The following CIMIP2C variants were observed in gnomAD, a reference collection of about 807,000 sequenced individuals.
CIMIP2C encodes the protein UPF0573 protein C2orf70.
chr2:26,569,493 G>A, the CIMIP2C span, among the ~76,000 whole-genome samples: 9 of 152,348 alleles, frequency 5.9e-5, no homozygotes, highest in East Asian at 1.7e-3. Context: ...AGGCGTTATG[G>A]AGGAGAGGAT....
the CIMIP2C span, among the ~76,000 whole-genome samples, chr2:26,564,339 C>T: frequency 6.6e-6 from 1 of 152,228 alleles, no homozygotes; most frequent in Non-Finnish European, 1.5e-5. Flanking sequence ...TTCCCCAACT[C>T]TGTTTGGCAG....
the CIMIP2C span, among the ~76,000 whole-genome samples, chr2:26,565,664 C>G: frequency 6.6e-6 from 1 of 152,190 alleles, no homozygotes; most frequent in East Asian, 1.9e-4. Context: ...CTTATCCCCC[C>G]TGCCTCACCT....
chr2:26,576,324 G>A, the CIMIP2C span: 1 of 1,028,018 alleles, frequency 9.7e-7, no homozygotes, highest in South Asian at 1.7e-5. Flanking sequence ...CCAGCAGAGA[G>A]CATGGTGGGC....
the CIMIP2C span, among the ~76,000 whole-genome samples, chr2:26,576,388 C>A: frequency 6.6e-6 from 1 of 152,198 alleles, no homozygotes; most frequent in Non-Finnish European, 1.5e-5. Flanking sequence ...TCTCTCCCCA[C>A]CTCCCGGGGC....
At chr2:26,576,139 C>G in the CIMIP2C span, 1 of 1,614,104 alleles carries the variant, frequency 6.2e-7, no homozygotes, top group Non-Finnish European at 8.5e-7. Flanking sequence ...TCAACCTGGA[C>G]AGCCATCGCT....
chr2:26,572,255 A>AGGTGAAT, the CIMIP2C span: 2 of 1,153,740 alleles, frequency 1.7e-6, no homozygotes, highest in Non-Finnish European at 1.2e-6. Flanking sequence ...TTCTGTAACT[A>AGGTGAAT]GCATTCACCT....
At chr2:26,578,202 T>A in the CIMIP2C span, 1 of 157,492 alleles carries the variant, frequency 6.3e-6, no homozygotes, top group Non-Finnish European at 1.4e-5. Context: ...ACTTGGGTAC[T>A]GTGGTTTCTG....
the CIMIP2C span, among the ~76,000 whole-genome samples, chr2:26,574,411 G>A: frequency 2.0e-5 from 3 of 152,152 alleles, no homozygotes; most frequent in Admixed American, 1.3e-4. Flanking sequence ...TGTGGGTGAG[G>A]TGGATGCCTC....
chr2:26,571,220 A>G, the CIMIP2C span, among the ~76,000 whole-genome samples: 1 of 152,126 alleles, frequency 6.6e-6, no homozygotes, highest in African/African-American at 2.4e-5. Context: ...GGGTCCCTGA[A>G]AAGAGAAGAG....
At chr2:26,564,328 G>C in the CIMIP2C span, among the ~76,000 whole-genome samples, 3 of 152,218 alleles carry the variant, frequency 2.0e-5, no homozygotes, top group East Asian at 5.8e-4. Flanking sequence ...CTGCCCCACA[G>C]TTCCCCAACT....
the CIMIP2C span, chr2:26,577,870 G>C: frequency 1.0e-5 from 5 of 484,050 alleles, no homozygotes; most frequent in Non-Finnish European, 1.8e-5. Flanking sequence ...GATGCACTGG[G>C]AGTTTGGGAG....
the CIMIP2C span, among the ~76,000 whole-genome samples, chr2:26,566,381 G>T: frequency 0.019 from 2,843 of 152,316 alleles, 309 homozygotes; most frequent in Admixed American, 0.17. Flanking sequence ...GTCCCACAAA[G>T]GTGGCTGTGT....
the CIMIP2C span, among the ~76,000 whole-genome samples, chr2:26,566,486 T>G: frequency 1.3e-5 from 2 of 152,230 alleles, no homozygotes; most frequent in African/African-American, 4.8e-5. Flanking sequence ...ATGCTTTGAT[T>G]TGTAACATTC....
the CIMIP2C span, among the ~76,000 whole-genome samples, chr2:26,569,196 G>C: frequency 6.6e-6 from 1 of 152,002 alleles, no homozygotes; most frequent in Non-Finnish European, 1.5e-5. Context: ...ATCACAATGT[G>C]GGAAGTGCGG....
At chr2:26,564,152 T>G in the CIMIP2C span, among the ~76,000 whole-genome samples, 1 of 152,250 alleles carries the variant, frequency 6.6e-6, no homozygotes, top group African/African-American at 2.4e-5. Flanking sequence ...TTTGCAGCCT[T>G]GGATTGTGGT....
the CIMIP2C span, chr2:26,579,294 G>A: frequency 1.9e-5 from 30 of 1,613,870 alleles, no homozygotes; most frequent in Non-Finnish European, 2.5e-5. Flanking sequence ...TCACCCCTAG[G>A]CCTCCTCTGT....
the CIMIP2C span, chr2:26,577,440 G>A: frequency 2.2e-5 from 29 of 1,329,686 alleles, no homozygotes; most frequent in African/African-American, 5.8e-5. Context: ...CAGGTGCAGC[G>A]AGGCATGGAC....
At chr2:26,577,556 G>A in the CIMIP2C span, 4 of 1,614,108 alleles carry the variant, frequency 2.5e-6, no homozygotes, top group Non-Finnish European at 3.4e-6. Context: ...GACAAGACGG[G>A]CACAGTGCCT....
the CIMIP2C span, among the ~76,000 whole-genome samples, chr2:26,570,787 C>A: frequency 1.3e-5 from 2 of 152,132 alleles, no homozygotes; most frequent in African/African-American, 4.8e-5. Flanking sequence ...GTATGGACAG[C>A]AGGCTGGAGG....
Sources: gnomAD v4.1 joint callset for allele counts (sites outside exome capture counted in the v4.1 genomes callset) on GRCh38, gnomAD v4.1.1 for gene constraint, MANE v1.5 for transcripts, NCBI Gene and HGNC (gene_info 2026-07-23, HGNC 2026-07-21) for gene names.